The following NSUN6 variants were observed in gnomAD, a reference collection of about 807,000 sequenced individuals.
NSUN6 encodes the protein NOP2/Sun RNA methyltransferase 6.
NSUN6 carries 64 observed loss-of-function variants against 58.0 expected under a neutral mutation model. The observed-to-expected ratio is 1.10, with a 90% CI of 0.90 to 1.36. The LOEUF is 1.36. Among genes scored for constraint, NSUN6 ranks in the 40% most tolerant of loss-of-function variants. The probability of loss-of-function intolerance (pLI) is 0.00; values close to 1 mark genes in which losing one functional copy is unlikely to be tolerated. For missense variants in NSUN6, 701 were observed against 550.1 expected (o/e 1.27, Z -2.74); for synonymous variants, 231 against 193.9 (o/e 1.19, Z -1.59).
chr10:18,589,645 A>G (rs2057304442), intron 7 of NSUN6, among the ~76,000 whole-genome samples: 1 of 152,218 alleles, frequency 6.6e-6, no homozygotes, highest in South Asian at 2.1e-4. Flanking sequence ...AGAATTTCAC[A>G]TCTAGCCAAA....
At chr10:18,552,045 G>A (rs1187705053) in intron 8 of NSUN6, 74 bp from the exon 9 acceptor site, 2 of 806,472 alleles carry the variant, frequency 2.5e-6, no homozygotes, top group Non-Finnish European at 3.8e-6. Context: ...AGATGAGCAG[G>A]AATTTAAAAT....
chr10:18,596,344 G>A lies in NSUN6; in HGVS notation c.658-17C>T, dbSNP rs762373864. On this transcript the variant is annotated splice_polypyrimidine_tract_variant and intron_variant, in intron 6 of 10. Coordinates refer to ENST00000377304, the MANE Select transcript of NSUN6 (RefSeq NM_182543.5). Reference sequence around the variant, plus strand: ...TGGCAAATTCTATAAGGAAAAAAATGTAATCGATTATCAATAATCCTAAAG... The same window carrying A: ...TGGCAAATTCTATAAGGAAAAAAATATAATCGATTATCAATAATCCTAAAG... 5.9e-6 allele frequency: 9 copies of A among 1,516,112 alleles called. No individual in the cohort carries two copies. Among genetic ancestry groups the A allele is most frequent in the Non-Finnish European group, 7.3e-6 (8 of 1,092,080 alleles). 93.9% of individuals were successfully genotyped at this position (1,516,112 alleles called of 1,614,324 possible).
chr10:18,595,045 C>A (rs116566852), intron 7 of NSUN6, among the ~76,000 whole-genome samples: 20 of 152,170 alleles, frequency 1.3e-4, no homozygotes, highest in Non-Finnish European at 2.6e-4. Flanking sequence ...ACTTACACAT[C>A]GGCCAGAGGC....
At chr10:18,629,289 A>G (rs1274582178) in intron 3 of NSUN6, among the ~76,000 whole-genome samples, 4 of 152,226 alleles carry the variant, frequency 2.6e-5, no homozygotes, top group African/African-American at 7.2e-5. Context: ...GCTACCAGCC[A>G]CTGCAAAATC....
chr10:18,547,324 A>G (rs190142275), intron 10 of NSUN6, among the ~76,000 whole-genome samples: 201 of 152,308 alleles, frequency 1.3e-3, no homozygotes, highest in Middle Eastern at 3.4e-3. Context: ...TTTTAGGTAT[A>G]TATTTTGAGT....
chr10:18,586,506 C>T (rs965512240), intron 7 of NSUN6, among the ~76,000 whole-genome samples: 4 of 151,810 alleles, frequency 2.6e-5, no homozygotes, highest in South Asian at 2.1e-4. Flanking sequence ...TTTGTTCCTC[C>T]GGGTGGGTTC....
intron 8 of NSUN6, among the ~76,000 whole-genome samples, chr10:18,552,424 C>T (rs2054663616): frequency 6.6e-6 from 1 of 152,100 alleles, no homozygotes; most frequent in African/African-American, 2.4e-5. Context: ...ATGAGAATGG[C>T]TATGGTCTAG....
upstream of NSUN6, among the ~76,000 whole-genome samples, chr10:18,657,687 C>T (rs892081743): frequency 2.6e-5 from 4 of 151,996 alleles, no homozygotes; most frequent in African/African-American, 9.7e-5. Context: ...GATCTCTGCT[C>T]CCTGCAACCT....
At chr10:18,552,384 G>A (rs918404590) in intron 8 of NSUN6, among the ~76,000 whole-genome samples, 1 of 152,088 alleles carries the variant, frequency 6.6e-6, no homozygotes, top group African/African-American at 2.4e-5. Context: ...CACTGATTCT[G>A]TGTTCCTGAG....
chr10:18,651,426 T>A lies in NSUN6; in HGVS notation c.-223A>T. 1 of 1,236,314 alleles carries A rather than the reference T, an allele frequency of 8.1e-7. No individual in the cohort carries two copies. The highest frequency in any genetic ancestry group is 1.6e-5 in the African/African-American group (1 of 64,034). The allele number at this position is 1,236,314 out of a possible 1,614,324, so 76.6% of individuals were successfully genotyped here. ...CTTCCACCACACCTCATCGAGGCAA[T>A]GTTTTCTGGTAGAGATGCTCATGGA... On this transcript the variant is annotated 5_prime_UTR_variant, in exon 1 of 11. Coordinates refer to ENST00000377304, the MANE Select transcript of NSUN6 (RefSeq NM_182543.5).
chr10:18,571,179 C>T (rs1351396260), intron 8 of NSUN6, among the ~76,000 whole-genome samples: 3 of 151,246 alleles, frequency 2.0e-5, no homozygotes, highest in African/African-American at 7.3e-5. Context: ...ATTCCATTCT[C>T]CATTCCATTC....
intron 8 of NSUN6, among the ~76,000 whole-genome samples, chr10:18,572,684 ATTCTCCTTCCATTCTCCATTCCATTCCC>A (rs2130992421): frequency 7.4e-6 from 1 of 134,634 alleles, no homozygotes; most frequent in Admixed American, 7.4e-5. Context: ...ATTCTCTTCC[ATTCTCCTTCCATTCTCCATTCCATTCCC>A]TTCTCCATTC....
intron 9 of NSUN6, among the ~76,000 whole-genome samples, chr10:18,550,078 C>T (rs962366280): frequency 6.6e-6 from 1 of 152,214 alleles, no homozygotes; most frequent in Non-Finnish European, 1.5e-5. Context: ...GGCAAACCTG[C>T]TATATTCTAG....
At chr10:18,636,699 C>G (rs1190814304) in intron 3 of NSUN6, among the ~76,000 whole-genome samples, 1 of 151,982 alleles carries the variant, frequency 6.6e-6, no homozygotes, top group African/African-American at 2.4e-5. Context: ...CGAGACCAGC[C>G]TGGCCAATAT....
At chr10:18,557,716 G>C (rs2055150650) in intron 8 of NSUN6, among the ~76,000 whole-genome samples, 1 of 150,408 alleles carries the variant, frequency 6.6e-6, no homozygotes, top group Non-Finnish European at 1.5e-5. Flanking sequence ...AAATGGAATG[G>C]AGAATGGAAT....
At chr10:18,634,892 G>C (rs943470723) in intron 3 of NSUN6, among the ~76,000 whole-genome samples, 7 of 152,152 alleles carry the variant, frequency 4.6e-5, no homozygotes, top group Non-Finnish European at 1.0e-4. Context: ...TTCTTAGAAA[G>C]GGTTGCTTGA....
chr10:18,572,900 C>G (rs1009384433), intron 8 of NSUN6, among the ~76,000 whole-genome samples: 23 of 150,572 alleles, frequency 1.5e-4, no homozygotes, highest in Admixed American at 8.0e-4. Flanking sequence ...TTCTCCATTC[C>G]ATTTTCCATT....
chr10:18,641,722 C>A (rs1044076371), intron 3 of NSUN6, among the ~76,000 whole-genome samples: 1 of 152,040 alleles, frequency 6.6e-6, no homozygotes, highest in Non-Finnish European at 1.5e-5. Flanking sequence ...AATACGTAAA[C>A]GCGCAGAACA....
intron 8 of NSUN6, among the ~76,000 whole-genome samples, chr10:18,563,501 G>A (rs2055696202): frequency 6.6e-6 from 1 of 150,922 alleles, no homozygotes; most frequent in Non-Finnish European, 1.5e-5. Context: ...AGAATGGAGA[G>A]TGGAATGGAA....
Sources: allele counts gnomAD v4.1 joint callset (sites outside exome capture counted in the v4.1 genomes callset), GRCh38; gene constraint gnomAD v4.1.1; transcripts MANE v1.5; gene names NCBI Gene and HGNC (gene_info 2026-07-23, HGNC 2026-07-21).